Variants in CCSER1 observed in about 807,000 individuals in gnomAD.
The protein encoded by CCSER1 is coiled-coil serine rich protein 1.
A neutral mutation model predicts 82.0 loss-of-function variants in CCSER1; 41 were observed. The observed-to-expected ratio is 0.50, with a 90% confidence interval of 0.39 to 0.65. CCSER1 has a LOEUF of 0.65. Among genes scored for constraint, CCSER1 ranks in the 30% least tolerant of loss-of-function variants. CCSER1 has a pLI of 0.00. For synonymous variants in CCSER1, 414 were observed against 383.9 expected (o/e 1.08, Z -0.92); for missense variants, 1,119 against 1,064.2 (o/e 1.05, Z -0.72).
intron 1 of CCSER1, among the ~76,000 whole-genome samples, chr4:90,142,119 TC>T (rs1263004251): frequency 6.6e-6 from 1 of 152,210 alleles, no homozygotes; most frequent in African/African-American, 2.4e-5. Flanking sequence ...GTGTTTTTAT[TC>T]AATGAATATG....
chr4:91,173,015 C>T lies in CCSER1; in HGVS notation c.2217+87021C>T, dbSNP rs17018178. Reference sequence around the variant, plus strand: ...GTGCTATTCTAGTATTACATTTAGACTATTGAAAAACCATAGTGATTAAAT... The same window carrying T: ...GTGCTATTCTAGTATTACATTTAGATTATTGAAAAACCATAGTGATTAAAT... On this transcript the variant is annotated intron_variant, in intron 10 of 10. Transcript: ENST00000509176. Among the ~76,000 whole-genome samples, 1,501 of 152,182 alleles carry T rather than the reference C, an allele frequency of 9.9e-3. 11 individuals carry two copies. Among genetic ancestry groups the T allele is most frequent in the African/African-American group, 0.024 (1,012 of 41,518 alleles).
rs188931473 is a variant in CCSER1, at chr4:90,696,528, C to T, written c.1933-27386C>T. ...ATTATCTAAATTCAACTGTATGACA[C>T]GTCCTAATTGAATAACGATGGTAAT... is the stretch of plus-strand genomic sequence containing the variant. On this transcript the variant is annotated intron_variant, in intron 6 of 10. Transcript: ENST00000509176. 1.6e-3 allele frequency among the ~76,000 whole-genome samples: 249 copies of T among 152,120 alleles called. 1 individual carries two copies. The highest frequency in any genetic ancestry group is 1.5e-3 in the Non-Finnish European group (103 of 67,986).
At chr4:90,482,005 C>CT (rs1560586678) in intron 5 of CCSER1, among the ~76,000 whole-genome samples, 2 of 152,086 alleles carry the variant, frequency 1.3e-5, no homozygotes, top group Non-Finnish European at 2.9e-5. Flanking sequence ...TGGTCCTGGA[C>CT]TTTTTTTGGT....
chr4:90,837,166 AAT>A (rs1299042487), intron 8 of CCSER1, among the ~76,000 whole-genome samples: 6 of 152,156 alleles, frequency 3.9e-5, no homozygotes, highest in East Asian at 1.9e-4. Flanking sequence ...AAAATGAAAT[AAT>A]ATGTTTTTCT....
chr4:90,598,688 AGACACTCCAATTC>A, intron 5 of CCSER1, among the ~76,000 whole-genome samples: 1 of 152,210 alleles, frequency 6.6e-6, no homozygotes, highest in East Asian at 1.9e-4. Flanking sequence ...GAATTTTAAG[AGACACTCCAATTC>A]AGGAGATTGG....
chr4:90,860,510 A>T (rs1764960424), intron 8 of CCSER1, among the ~76,000 whole-genome samples: 1 of 151,778 alleles, frequency 6.6e-6, no homozygotes, highest in East Asian at 1.9e-4. Context: ...TCTAGATGTG[A>T]TGCAATATCT....
chr4:90,819,326 C>T lies in CCSER1; in HGVS notation c.2094+3481C>T, dbSNP rs570395030. The stretch of plus-strand genomic sequence containing the variant: ...ATCATCACGCCGGGAGTCAGGGCTT[C>T]AATACATGAATTGTGGAGCAGGGGG... On this transcript the variant is annotated intron_variant, in intron 8 of 10. Coordinates refer to ENST00000509176, the MANE Select transcript of CCSER1 (RefSeq NM_001145065.2). Among the ~76,000 whole-genome samples, 5 of 152,200 alleles carry T rather than the reference C, an allele frequency of 3.3e-5. No individual in the cohort carries two copies. The South Asian group carries it at 1.0e-3, about 32-fold the overall frequency.
chr4:90,707,281 G>A (rs113466853), intron 6 of CCSER1, among the ~76,000 whole-genome samples: 4,210 of 150,118 alleles, frequency 0.028, 180 homozygotes, highest in African/African-American at 0.095. Flanking sequence ...TCCTATCTCC[G>A]CCAGTGTAGT....
chr4:91,282,365 T>G (rs987875820), intron 10 of CCSER1, among the ~76,000 whole-genome samples: 1 of 152,198 alleles, frequency 6.6e-6, no homozygotes, highest in African/African-American at 2.4e-5. Context: ...GATTCTGTCT[T>G]ATGTCATTCA....
chr4:90,658,438 C>G (rs1018620083), intron 6 of CCSER1, among the ~76,000 whole-genome samples: 3 of 152,150 alleles, frequency 2.0e-5, no homozygotes, highest in Non-Finnish European at 2.9e-5. Context: ...GAACTCCTCT[C>G]CCTGGGAGAC....
chr4:91,191,927 T>A (rs1436943212), intron 10 of CCSER1, among the ~76,000 whole-genome samples: 1 of 152,120 alleles, frequency 6.6e-6, no homozygotes, highest in Non-Finnish European at 1.5e-5. Context: ...GAACCTTGGC[T>A]GAAATAAGAA....
At chr4:91,380,377 A>C (rs1341180214) in intron 10 of CCSER1, among the ~76,000 whole-genome samples, 1 of 151,810 alleles carries the variant, frequency 6.6e-6, no homozygotes, top group African/African-American at 2.4e-5. Flanking sequence ...ATTGTGTGGG[A>C]GTCTAAGTCT....
At chr4:90,771,330 G>C (rs539970409) in intron 7 of CCSER1, among the ~76,000 whole-genome samples, 1 of 151,352 alleles carries the variant, frequency 6.6e-6, no homozygotes. Flanking sequence ...GGATTTATTC[G>C]ATAATTATCT....
At chr4:91,193,052 CT>C (rs1735132024) in intron 10 of CCSER1, among the ~76,000 whole-genome samples, 1 of 152,122 alleles carries the variant, frequency 6.6e-6, no homozygotes, top group African/African-American at 2.4e-5. Context: ...TTTTCTTTCC[CT>C]GTACTGACAT....
intron 8 of CCSER1, among the ~76,000 whole-genome samples, chr4:90,832,418 G>T (rs185637898): frequency 2.8e-4 from 42 of 152,138 alleles, no homozygotes; most frequent in African/African-American, 9.6e-4. Context: ...TTTCTAGTGT[G>T]TGAAAAAGTG....
At chr4:90,397,742 G>C (rs1752210428) in intron 3 of CCSER1, among the ~76,000 whole-genome samples, 1 of 152,136 alleles carries the variant, frequency 6.6e-6, no homozygotes. Context: ...GCTCATATAA[G>C]AATCTGGTAG....
At chr4:90,482,546 T>C (rs1433954582) in intron 5 of CCSER1, among the ~76,000 whole-genome samples, 2 of 152,238 alleles carry the variant, frequency 1.3e-5, no homozygotes, top group Admixed American at 6.5e-5. Context: ...GCTTTGAATG[T>C]GTCCCAGAGA....
intron 9 of CCSER1, among the ~76,000 whole-genome samples, chr4:90,942,130 T>C (rs1372226998): frequency 6.6e-6 from 1 of 151,926 alleles, no homozygotes; most frequent in African/African-American, 2.4e-5. Flanking sequence ...TTGTATTTTT[T>C]GTAGAGATGG....
intron 10 of CCSER1, among the ~76,000 whole-genome samples, chr4:91,381,810 A>T (rs1222802778): frequency 1.3e-5 from 2 of 152,174 alleles, no homozygotes; most frequent in Admixed American, 1.3e-4. Context: ...TTGGAGGGTG[A>T]CTGGCACTCT....
Sources: allele counts gnomAD v4.1 joint callset (sites outside exome capture counted in the v4.1 genomes callset), GRCh38; gene constraint gnomAD v4.1.1; transcripts MANE v1.5; gene names NCBI Gene and HGNC (gene_info 2026-07-23, HGNC 2026-07-21).